Variants in CPXM2 observed in about 807,000 individuals in gnomAD.
CPXM2 encodes inactive carboxypeptidase-like protein X2.
CPXM2 carries 66 observed loss-of-function variants against 86.1 expected under a neutral mutation model. The observed-to-expected ratio is 0.77, with a 90% CI of 0.63 to 0.94. CPXM2 has a LOEUF of 0.94. Among genes scored for constraint, CPXM2 ranks in the 40% least tolerant of loss-of-function variants. The pLI is 0.00. For synonymous variants in CPXM2, 388 were observed against 400.2 expected (o/e 0.97, Z 0.36); for missense variants, 948 against 1,026.3 (o/e 0.92, Z 1.04).
intron 3 of CPXM2, among the ~76,000 whole-genome samples, chr10:123,860,146 C>T (rs973350490): frequency 1.3e-5 from 2 of 152,162 alleles, no homozygotes; most frequent in East Asian, 1.9e-4. Context: ...CAGAGAGAGA[C>T]CCAGTCACCC....
chr10:123,880,998 T>C (rs1221534518), intron 1 of CPXM2, among the ~76,000 whole-genome samples: 3 of 151,334 alleles, frequency 2.0e-5, no homozygotes, highest in Non-Finnish European at 4.4e-5. Flanking sequence ...AACCTAACTC[T>C]CTCCCAGGCC....
intron 6 of CPXM2, among the ~76,000 whole-genome samples, chr10:123,787,225 A>G (rs965075214): frequency 4.6e-5 from 7 of 152,100 alleles, no homozygotes; most frequent in Non-Finnish European, 1.5e-5. Flanking sequence ...TGGAAAAGGG[A>G]CACAATTGGA....
chr10:123,927,753 G>A (rs999511198), intron 2 of CPXM2, among the ~76,000 whole-genome samples: 1 of 152,186 alleles, frequency 6.6e-6, no homozygotes, highest in Non-Finnish European at 1.5e-5. Flanking sequence ...ACTGCACCAG[G>A]CTTTGTTACC....
chr10:123,753,229 C>T (rs901438069), intron 13 of CPXM2, among the ~76,000 whole-genome samples: 1 of 152,210 alleles, frequency 6.6e-6, no homozygotes, highest in African/African-American at 2.4e-5. Context: ...GATCATGGGA[C>T]AGTCAGCCCT....
At chr10:123,886,097 A>T (rs1472756348) in intron 1 of CPXM2, among the ~76,000 whole-genome samples, 1 of 152,210 alleles carries the variant, frequency 6.6e-6, no homozygotes, top group Non-Finnish European at 1.5e-5. Flanking sequence ...ATGTACAGGA[A>T]ATGACGTCCT....
intron 6 of CPXM2, among the ~76,000 whole-genome samples, chr10:123,786,195 T>C (rs1347675164): frequency 6.6e-6 from 1 of 152,192 alleles, no homozygotes; most frequent in African/African-American, 2.4e-5. Flanking sequence ...CACTGAACAC[T>C]GCTACATGCC....
chr10:123,881,202 T>C, intron 1 of CPXM2, among the ~76,000 whole-genome samples: 1 of 125,210 alleles, frequency 8.0e-6, no homozygotes, highest in South Asian at 2.4e-4. Flanking sequence ...AACTGTGTAC[T>C]ATGTTGTTCC....
At chr10:123,790,864 A>G (rs1474692289) in intron 6 of CPXM2, among the ~76,000 whole-genome samples, 2 of 152,168 alleles carry the variant, frequency 1.3e-5, no homozygotes, top group Non-Finnish European at 2.9e-5. Flanking sequence ...TAATCAAGTT[A>G]TTTGGGAAAG....
chr10:123,785,734 G>A (rs571139076), intron 6 of CPXM2, among the ~76,000 whole-genome samples: 45 of 150,934 alleles, frequency 3.0e-4, no homozygotes, highest in Non-Finnish European at 5.5e-4. Flanking sequence ...CCGGGTTCAC[G>A]CCATTCTCCT....
intron 2 of CPXM2, among the ~76,000 whole-genome samples, chr10:123,873,433 C>T (rs1944925517): frequency 6.6e-6 from 1 of 152,186 alleles, no homozygotes; most frequent in African/African-American, 2.4e-5. Flanking sequence ...TGTGTTCATT[C>T]TCCCAAATTG....
At chr10:123,839,742 G>A (rs1848347978) in intron 4 of CPXM2, among the ~76,000 whole-genome samples, 1 of 152,126 alleles carries the variant, frequency 6.6e-6, no homozygotes, top group Non-Finnish European at 1.5e-5. Flanking sequence ...TACTGAGATA[G>A]AAAAAGGCTC....
At chr10:123,801,429 T>C (rs987630265) in intron 4 of CPXM2, among the ~76,000 whole-genome samples, 8 of 152,164 alleles carry the variant, frequency 5.3e-5, no homozygotes, top group Non-Finnish European at 1.2e-4. Flanking sequence ...CATAGCAGTA[T>C]GAAAACAGAA....
intron 4 of CPXM2, among the ~76,000 whole-genome samples, chr10:123,834,442 G>A (rs1848236252): frequency 6.6e-6 from 1 of 152,202 alleles, no homozygotes; most frequent in African/African-American, 2.4e-5. Flanking sequence ...AGCCAAGAGA[G>A]GACATGAAGC....
upstream of CPXM2, among the ~76,000 whole-genome samples, chr10:123,943,935 T>C (rs58342121): frequency 0.23 from 34,369 of 152,214 alleles, 4,449 homozygotes; most frequent in East Asian, 0.59. Context: ...GAGCTGAGGC[T>C]AAACAGGTCC....
At chr10:123,893,435 G>T (rs1045141788), upstream of CPXM2, among the ~76,000 whole-genome samples, 6 of 152,168 alleles carry the variant, frequency 3.9e-5, no homozygotes, top group Admixed American at 6.5e-5. Flanking sequence ...ATCTTTTAGG[G>T]CCAGTCTTCC....
chr10:123,878,204 G>T (rs1275340965), intron 2 of CPXM2, among the ~76,000 whole-genome samples: 3 of 151,564 alleles, frequency 2.0e-5, no homozygotes, highest in African/African-American at 7.3e-5. Flanking sequence ...TGCCACATGT[G>T]CCCTGCCTCC....
intron 4 of CPXM2, among the ~76,000 whole-genome samples, chr10:123,802,391 C>T (rs1847478398): frequency 6.6e-6 from 1 of 152,192 alleles, no homozygotes; most frequent in African/African-American, 2.4e-5. Context: ...CAGATGGGTC[C>T]TCTTGTCCTA....
chr10:123,782,180 T>C (rs1286740142), intron 6 of CPXM2, among the ~76,000 whole-genome samples: 1 of 152,218 alleles, frequency 6.6e-6, no homozygotes, highest in African/African-American at 2.4e-5. Flanking sequence ...TGACCACACC[T>C]CAGGCAAGCT....
chr10:123,830,850 T>A (rs2134130932), intron 4 of CPXM2, among the ~76,000 whole-genome samples: 1 of 137,684 alleles, frequency 7.3e-6, no homozygotes, highest in African/African-American at 3.1e-5. Flanking sequence ...GAGTATGCAC[T>A]CATCTCTCTC....
Sources: gnomAD v4.1 joint callset for allele counts (sites outside exome capture counted in the v4.1 genomes callset) on GRCh38, gnomAD v4.1.1 for gene constraint, MANE v1.5 for transcripts, NCBI Gene and HGNC (gene_info 2026-07-23, HGNC 2026-07-21) for gene names.